Variants in EGFR observed in about 807,000 individuals in gnomAD.
The protein encoded by EGFR is avian erythroblastic leukemia viral (v-erb-b) oncogene homolog.
Under a neutral mutation model 143.0 loss-of-function variants are expected in EGFR, and 58 were observed. The observed-to-expected ratio is 0.41, with a 90% CI of 0.33 to 0.50. EGFR has a LOEUF of 0.50. EGFR is among the 20% of genes least tolerant of loss of function. EGFR has a pLI of 0.39. For synonymous variants in EGFR, 613 were observed against 594.4 expected, an observed-to-expected ratio of 1.03 and a Z score of -0.45; for missense variants, 1,307 against 1,579.0, an observed-to-expected ratio of 0.83 and a Z score of 2.92.
intron 1 of EGFR, among the ~76,000 whole-genome samples, chr7:55,072,324 C>G (rs192129080): frequency 6.6e-6 from 1 of 152,182 alleles, no homozygotes; most frequent in Non-Finnish European, 1.5e-5. Flanking sequence ...CATTATATCA[C>G]GGACAAAAGC....
At chr7:55,020,617 T>A (rs1179248540) in intron 1 of EGFR, among the ~76,000 whole-genome samples, 1 of 150,996 alleles carries the variant, frequency 6.6e-6, no homozygotes, top group Non-Finnish European at 1.5e-5. Flanking sequence ...CTGGTTCAAG[T>A]GTGCCAAGTG....
chr7:55,063,116 C>T (rs1386040702), intron 1 of EGFR, among the ~76,000 whole-genome samples: 3 of 152,178 alleles, frequency 2.0e-5, no homozygotes, highest in Non-Finnish European at 2.9e-5. Flanking sequence ...ATTCTCTTCA[C>T]TGAGGGTCAA....
intron 1 of EGFR, among the ~76,000 whole-genome samples, chr7:55,074,124 T>G (rs1421105691): frequency 1.3e-5 from 2 of 152,230 alleles, no homozygotes; most frequent in Non-Finnish European, 2.9e-5. Context: ...CTGTTACCCC[T>G]GCTGCGCTCT....
At chr7:55,081,589 A>G (rs189914958) in intron 1 of EGFR, among the ~76,000 whole-genome samples, 256 of 152,230 alleles carry the variant, frequency 1.7e-3, no homozygotes, top group Non-Finnish European at 2.1e-3. Context: ...TCCATAGCTA[A>G]AGCAAAACCA....
chr7:55,088,852 C>G (rs1328591354), intron 1 of EGFR, among the ~76,000 whole-genome samples: 1 of 152,212 alleles, frequency 6.6e-6, no homozygotes, highest in African/African-American at 2.4e-5. Flanking sequence ...TGCCTCATCT[C>G]CCACGCCCTC....
intron 1 of EGFR, chr7:55,119,445 G>A (rs9649847): frequency 0.12 from 18,890 of 152,222 alleles, 1,304 homozygotes; most frequent in African/African-American, 0.16. Context: ...CAACTATTTG[G>A]AAACTAGAAT....
intron 14 of EGFR, 63 bp from the exon 15 acceptor site, chr7:55,165,217 A>C: frequency 1.2e-6 from 2 of 1,610,546 alleles, no homozygotes; most frequent in Non-Finnish European, 1.7e-6. Context: ...GTAAAAAGTT[A>C]CTTCCATTTT....
At chr7:55,022,116 G>GC (rs1786605496) in intron 1 of EGFR, among the ~76,000 whole-genome samples, 1 of 152,202 alleles carries the variant, frequency 6.6e-6, no homozygotes, top group South Asian at 2.1e-4. Context: ...GAGTTCCTCA[G>GC]CCCTCTGTTG....
In EGFR at chr7:55,170,256, G is replaced by A. The variant is rs768611898; in HGVS notation, c.1881-919G>A. 4.3e-6 allele frequency: 7 copies of A among 1,613,490 alleles called. No individual in the cohort carries two copies. In the South Asian group the frequency reaches 6.6e-5, roughly 15 times the overall value. On this transcript the variant is annotated intron_variant, in intron 15 of 27. Transcript: ENST00000275493. The stretch of plus-strand genomic sequence containing the variant: ...GGATCAGATTATAGTGTTACACCAG[G>A]GCTCCCCAGGCCTCTCACATATTGA...
At position 55,149,835 on chromosome 7, in the gene EGFR, A is replaced by G. The variant is rs1794941747; in HGVS notation, c.560-1459A>G. ...AAATTATGCAGCAGCCATGCTATTG[A>G]TAATCATGTTAGATAGAAGCATATT... On this transcript the variant is annotated intron_variant, in intron 4 of 27. Coordinates refer to ENST00000275493, the MANE Select transcript of EGFR (RefSeq NM_005228.5). Among the ~76,000 whole-genome samples the G allele has an allele frequency of 2.0e-5, 3 of 152,232 alleles. No individual in the cohort carries two copies. In the South Asian group the frequency reaches 6.2e-4, roughly 31 times the overall value.
At chr7:55,165,213 AG>A in intron 14 of EGFR, 66 bp from the exon 15 acceptor site, 2 of 1,609,720 alleles carry the variant, frequency 1.2e-6, no homozygotes, top group Non-Finnish European at 1.7e-6. Context: ...TTAAGTAAAA[AG>A]TTACTTCCAT....
intron 1 of EGFR, among the ~76,000 whole-genome samples, chr7:55,057,250 C>A (rs146875409): frequency 6.6e-6 from 1 of 152,152 alleles, no homozygotes; most frequent in Non-Finnish European, 1.5e-5. Flanking sequence ...TATAAAGTTG[C>A]GAATGCCTCA....
At chr7:55,164,580 C>T (rs1785874376) in intron 14 of EGFR, among the ~76,000 whole-genome samples, 1 of 152,194 alleles carries the variant, frequency 6.6e-6, no homozygotes, top group African/African-American at 2.4e-5. Context: ...GCGATATTGA[C>T]ATAGTCATCT....
intron 1 of EGFR, among the ~76,000 whole-genome samples, chr7:55,141,570 T>C (rs1015806513): frequency 1.3e-5 from 2 of 152,164 alleles, no homozygotes; most frequent in African/African-American, 4.8e-5. Context: ...TTTTTAAATG[T>C]TGTATTTTGA....
At chr7:55,049,101 G>T (rs971507792) in intron 1 of EGFR, among the ~76,000 whole-genome samples, 1 of 152,104 alleles carries the variant, frequency 6.6e-6, no homozygotes, top group Admixed American at 6.5e-5. Flanking sequence ...CAACACGAAG[G>T]ACTTCGATTT....
chr7:55,055,501 A>G (rs1167192863), intron 1 of EGFR, among the ~76,000 whole-genome samples: 3 of 152,320 alleles, frequency 2.0e-5, no homozygotes, highest in East Asian at 3.9e-4. Context: ...TCAACTGTGC[A>G]TTAACACATT....
chr7:55,036,264 G>T (rs1335888843), intron 1 of EGFR, among the ~76,000 whole-genome samples: 2 of 35,054 alleles, frequency 5.7e-5, no homozygotes, highest in East Asian at 1.0e-3. Flanking sequence ...TCAAGTTTGT[G>T]TGTGTGTGGG....
intron 7 of EGFR, among the ~76,000 whole-genome samples, chr7:55,155,002 T>A (rs1362290324): frequency 6.6e-6 from 1 of 151,940 alleles, no homozygotes; most frequent in African/African-American, 2.4e-5. Flanking sequence ...ATGACACAGA[T>A]ATATCTTTGA....
chr7:55,149,384 CAT>C (rs1350925009), intron 4 of EGFR, among the ~76,000 whole-genome samples: 1 of 152,092 alleles, frequency 6.6e-6, no homozygotes, highest in African/African-American at 2.4e-5. Context: ...CACACGCACA[CAT>C]ACACACACAC....
Sources: allele counts gnomAD v4.1 joint callset (sites outside exome capture counted in the v4.1 genomes callset), GRCh38; gene constraint gnomAD v4.1.1; transcripts MANE v1.5; gene names NCBI Gene and HGNC (gene_info 2026-07-23, HGNC 2026-07-21).